Variants in ZC4H2 observed in about 807,000 individuals in gnomAD.
ZC4H2 encodes the protein zinc finger C4H2 domain-containing protein.
For missense variants in ZC4H2, 137 were observed against 173.9 expected (o/e 0.79, Z 1.19); for synonymous variants, 84 against 66.3 (o/e 1.27, Z -1.30).
chrX:64,952,134 G>A (rs1484316605), intron 1 of ZC4H2, among the ~76,000 whole-genome samples: 1 of 110,212 alleles, frequency 9.1e-6, no homozygotes, highest in Admixed American at 9.6e-5. Context: ...TATTTCTGAG[G>A]GCTCTGTTCT....
Position 64,920,253 on chromosome X carries a change from T to C in ZC4H2, c.226A>G (p.Met76Val), listed in dbSNP as rs1376318999. 8.3e-7 allele frequency: 1 copy of C among 1,209,173 alleles called. No homozygotes were observed. Among genetic ancestry groups the C allele is most frequent in the South Asian group, 1.8e-5 (1 of 56,375 alleles). ...LRLIHADINVMENTIKQSEND... is the reference protein window; with the variant it reads ...LRLIHADINVVENTIKQSEND... Reference sequence around the variant, plus strand: ...TCAGATTGTTTGATAGTGTTTTCCATCTGGAACATAGAGTGGGATAGGCAC... The same window carrying C: ...TCAGATTGTTTGATAGTGTTTTCCACCTGGAACATAGAGTGGGATAGGCAC... The change falls in exon 3 of 5, where the codon ATG (methionine) becomes GTG (valine). Residue 76 changes from methionine to valine, a missense_variant and splice_region_variant. Coordinates refer to ENST00000374839, the MANE Select transcript of ZC4H2 (RefSeq NM_018684.4).
At chrX:64,992,222 C>A (rs931180394) in intron 1 of ZC4H2, among the ~76,000 whole-genome samples, 9 of 111,589 alleles carry the variant, frequency 8.1e-5, no homozygotes, top group African/African-American at 2.9e-4. Flanking sequence ...ACAATATAAA[C>A]GCTTCAGTCT....
chrX:65,021,948 C>T (rs1331252038), intron 1 of ZC4H2, among the ~76,000 whole-genome samples: 1 of 111,725 alleles, frequency 9.0e-6, no homozygotes, highest in Non-Finnish European at 1.9e-5. Context: ...AATTCCTGGA[C>T]ACATACACCC....
chrX:64,947,164 G>C (rs951540679), intron 1 of ZC4H2, among the ~76,000 whole-genome samples: 1 of 111,826 alleles, frequency 8.9e-6, no homozygotes, highest in Non-Finnish European at 1.9e-5. Context: ...CTGGTTTACT[G>C]GTTTTTAGTT....
intron 1 of ZC4H2, among the ~76,000 whole-genome samples, chrX:64,948,081 G>C (rs988522638): frequency 9.0e-6 from 1 of 111,310 alleles, no homozygotes; most frequent in Non-Finnish European, 1.9e-5. Flanking sequence ...GTAACTGCAA[G>C]GACCCAATTG....
Position 64,999,797 on chromosome X carries a change from C to A in ZC4H2, c.-272+34832G>T, listed in dbSNP as rs1382045667. On this transcript the variant is annotated intron_variant, in intron 1 of 4. Transcript: ENST00000337990. ...TACTGAGGCTTGAGTAGGCACTTATCCCCTCACAGTGTAAATAAATCCTCC... is the reference window on the plus strand; with the variant it reads ...TACTGAGGCTTGAGTAGGCACTTATACCCTCACAGTGTAAATAAATCCTCC... Among the ~76,000 whole-genome samples, 4 of 112,052 alleles carry A rather than the reference C, an allele frequency of 3.6e-5. No individual in the cohort carries two copies. The East Asian group carries it at 1.1e-3, about 32-fold the overall frequency.
intron 1 of ZC4H2, among the ~76,000 whole-genome samples, chrX:64,963,347 G>T (rs775451092): frequency 1.7e-4 from 19 of 111,532 alleles, no homozygotes; most frequent in Non-Finnish European, 3.4e-4. Flanking sequence ...AGCCATAAGA[G>T]AAAAACTTCA....
chrX:64,929,863 G>T (rs781517524), intron 1 of ZC4H2, among the ~76,000 whole-genome samples: 9 of 111,278 alleles, frequency 8.1e-5, no homozygotes, highest in Non-Finnish European at 1.5e-4. Flanking sequence ...CTCTCTTTTG[G>T]TTCCATATGA....
chrX:64,995,864 G>A (rs761460395), intron 1 of ZC4H2, among the ~76,000 whole-genome samples: 1 of 112,464 alleles, frequency 8.9e-6, no homozygotes, highest in African/African-American at 3.2e-5. Flanking sequence ...TGTGAGCATT[G>A]CTTAAAAATA....
intron 1 of ZC4H2, among the ~76,000 whole-genome samples, chrX:64,932,541 A>G (rs945593777): frequency 1.3e-4 from 14 of 111,351 alleles, no homozygotes; most frequent in Non-Finnish European, 2.5e-4. Context: ...TTTAGCATTT[A>G]TTGTAGTGCT....
chrX:64,965,762 C>A (rs867471704), intron 1 of ZC4H2, among the ~76,000 whole-genome samples: 16 of 108,555 alleles, frequency 1.5e-4, no homozygotes, highest in Middle Eastern at 4.7e-3. Context: ...ATAGTGAGAC[C>A]CTGTCTCTAC....
chrX:64,996,024 C>G (rs1053554737), intron 1 of ZC4H2, among the ~76,000 whole-genome samples: 2 of 111,181 alleles, frequency 1.8e-5, no homozygotes, highest in African/African-American at 3.3e-5. Context: ...ATTTAGAGAG[C>G]CACACTTATG....
intron 1 of ZC4H2, among the ~76,000 whole-genome samples, chrX:65,031,028 C>A (rs1932928866): frequency 9.0e-6 from 1 of 111,348 alleles, no homozygotes; most frequent in Non-Finnish European, 1.9e-5. Flanking sequence ...TCATCTCTCT[C>A]CCCTACTGTA....
chrX:64,958,803 T>A (rs1931266587), intron 1 of ZC4H2, among the ~76,000 whole-genome samples: 2 of 111,662 alleles, frequency 1.8e-5, no homozygotes, highest in Non-Finnish European at 3.8e-5. Context: ...TATCTGTGTT[T>A]GCATTCAGAA....
rs778524023 is a variant in ZC4H2, at chrX:64,916,481, T to A, written c.*1302A>T. On this transcript the variant is annotated 3_prime_UTR_variant, in exon 5 of 5. Transcript: ENST00000374839. ...AAGGATTTGTACAGACACAACACTC[T>A]TACTTTCAAAGAGCAGAGGAACATT... The A allele has an allele frequency of 8.9e-6, 1 of 112,134 alleles. No homozygotes were observed. Among genetic ancestry groups the A allele is most frequent in the Non-Finnish European group, 1.9e-5 (1 of 53,223 alleles). The allele number at this position is 112,134 out of a possible 1,213,427, so 9.2% of individuals were successfully genotyped here.
chrX:64,931,461 T>C (rs1033673122), intron 1 of ZC4H2, among the ~76,000 whole-genome samples: 4 of 111,733 alleles, frequency 3.6e-5, no homozygotes, highest in African/African-American at 1.3e-4. Flanking sequence ...ATTTGTGCTC[T>C]TTCAGACTTT....
At chrX:64,968,392 C>G (rs1443662457) in intron 1 of ZC4H2, among the ~76,000 whole-genome samples, 1 of 111,273 alleles carries the variant, frequency 9.0e-6, no homozygotes, top group African/African-American at 3.3e-5. Flanking sequence ...CCATAAAAAC[C>G]AGGCCAGTAG....
At chrX:64,955,903 C>G (rs1477532091) in intron 1 of ZC4H2, among the ~76,000 whole-genome samples, 2 of 111,803 alleles carry the variant, frequency 1.8e-5, no homozygotes, top group Non-Finnish European at 1.9e-5. Flanking sequence ...AGAAAGGGAA[C>G]ATTGGTTCAC....
chrX:64,933,262 T>C (rs1020975427), intron 1 of ZC4H2, among the ~76,000 whole-genome samples: 82 of 111,683 alleles, frequency 7.3e-4, no homozygotes, highest in African/African-American at 2.2e-3. Context: ...TTTAATTATA[T>C]CCTGATTTTT....
Sources: allele counts gnomAD v4.1 joint callset (sites outside exome capture counted in the v4.1 genomes callset), GRCh38; gene constraint gnomAD v4.1.1; transcripts MANE v1.5; gene names NCBI Gene and HGNC (gene_info 2026-07-23, HGNC 2026-07-21).